The following AKT3 variants were observed in gnomAD, a reference collection of about 807,000 sequenced individuals.
The protein encoded by AKT3 is RAC-gamma serine/threonine-protein kinase.
In AKT3, 15 loss-of-function variants were observed where a neutral mutation model predicts 65.3. That is an observed-to-expected ratio of 0.23 (90% CI 0.15 to 0.35). The LOEUF (loss-of-function observed/expected upper bound fraction) is 0.35, where lower values mean the gene tolerates loss of function less well. Ranked by LOEUF, AKT3 falls within the 10% of genes least tolerant of loss-of-function variation. AKT3 has a pLI of 1.00. For missense variants in AKT3, 243 were observed against 576.5 expected (o/e 0.42, Z 5.92); for synonymous variants, 206 against 183.8 (o/e 1.12, Z -0.98).
chr1:243,523,260 A>AACACACACACACACAC lies in AKT3; in HGVS notation c.1252-10850_1252-10835dup, dbSNP rs547403507. Among the ~76,000 whole-genome samples, 263 of 126,508 alleles carry AACACACACACACACAC rather than the reference A, an allele frequency of 2.1e-3. 2 individuals carry two copies. Among genetic ancestry groups the AACACACACACACACAC allele is most frequent in the Middle Eastern group, 0.015 (4 of 270 alleles). 83.0% of individuals were successfully genotyped at this position (126,508 alleles called of 152,430 possible). A position where few individuals can be genotyped will look rare whatever the true frequency, so the allele number is the denominator to read the frequency against. On this transcript the variant is annotated intron_variant, in intron 12 of 13. Coordinates refer to ENST00000673466, the MANE Select transcript of AKT3 (RefSeq NM_005465.7). ...TGAAGCTCTGGCTCCAAAAAGGACGAACACACACACACACACACACACACA... is the reference window on the plus strand; with the variant it reads ...TGAAGCTCTGGCTCCAAAAAGGACGAACACACACACACACACACACACACACACACACACACACACA...
intron 2 of AKT3, among the ~76,000 whole-genome samples, chr1:243,809,608 A>G (rs1692993092): frequency 6.6e-6 from 1 of 152,170 alleles, no homozygotes; most frequent in Non-Finnish European, 1.5e-5. Flanking sequence ...CCCACTGTCA[A>G]CATTAGACAG....
Position 243,701,642 on chromosome 1 carries a change from T to C in AKT3, c.47-5926A>G, listed in dbSNP as rs1282397048. Among the ~76,000 whole-genome samples, 3 of 143,008 alleles carry C rather than the reference T, an allele frequency of 2.1e-5. No individual in the cohort carries two copies. In the Admixed American group the frequency reaches 2.2e-4, roughly 10 times the overall value. The allele number at this position is 143,008 out of a possible 152,430, so 93.8% of individuals were successfully genotyped here. A position where few individuals can be genotyped will look rare whatever the true frequency, so the allele number is the denominator to read the frequency against. On this transcript the variant is annotated intron_variant, in intron 2 of 13. Transcript: ENST00000673466. ...CAACACAATCACCATTTTAAAAATA[T>C]GCTTCTTACCTAAGAAAAAATGCAA...
intron 2 of AKT3, among the ~76,000 whole-genome samples, chr1:243,768,569 G>A (rs966466315): frequency 2.0e-5 from 3 of 152,116 alleles, no homozygotes; most frequent in Non-Finnish European, 4.4e-5. Context: ...CGGGCGTGGT[G>A]GCTCACGCCT....
rs1383977632 is a variant in AKT3 at position 243,840,583 on chromosome 1, T to C, written c.46+2542A>G. Reference sequence around the variant, plus strand: ...GTTTAGTCATATTATTTATATAATGTAATATTTTAACTGCTTTTCAGAATC... The same window carrying C: ...GTTTAGTCATATTATTTATATAATGCAATATTTTAACTGCTTTTCAGAATC... On this transcript the variant is annotated intron_variant, in intron 2 of 13. Coordinates refer to ENST00000673466, the MANE Select transcript of AKT3 (RefSeq NM_005465.7). 2.6e-5 allele frequency among the ~76,000 whole-genome samples: 4 copies of C among 152,230 alleles called. No homozygotes were observed. In the South Asian group the frequency reaches 6.2e-4, roughly 24 times the overall value.
rs1680993594 is a variant in AKT3 at position 243,648,239 on chromosome 1, C to A, written c.285-2202G>T. Among the ~76,000 whole-genome samples, 11 of 143,164 alleles carry A rather than the reference C, an allele frequency of 7.7e-5. No homozygotes were observed. The South Asian group carries it at 2.2e-3, about 28-fold the overall frequency. The allele number at this position is 143,164 out of a possible 152,430, so 93.9% of individuals were successfully genotyped here. Reference sequence around the variant, plus strand: ...CACCATGGCACTCCAGTGAGGGTGACAGAGCAAGACTCCGTCTAAAAAAAA... The same window carrying A: ...CACCATGGCACTCCAGTGAGGGTGAAAGAGCAAGACTCCGTCTAAAAAAAA... On this transcript the variant is annotated intron_variant, in intron 4 of 13. Transcript: ENST00000673466.
chr1:243,715,309 G>C (rs1419282893), intron 2 of AKT3, among the ~76,000 whole-genome samples: 1 of 152,014 alleles, frequency 6.6e-6, no homozygotes, highest in East Asian at 1.9e-4. Context: ...TAGTATAGTG[G>C]CTTCCCTTTA....
intron 2 of AKT3, among the ~76,000 whole-genome samples, chr1:243,755,502 C>T (rs966526445): frequency 1.3e-5 from 2 of 152,110 alleles, no homozygotes; most frequent in Admixed American, 6.6e-5. Flanking sequence ...CCAGTTACTA[C>T]TAGTATACTG....
chr1:243,672,178 T>C (rs1328073839), intron 3 of AKT3, among the ~76,000 whole-genome samples: 1 of 152,226 alleles, frequency 6.6e-6, no homozygotes, highest in Non-Finnish European at 1.5e-5. Context: ...ATGCTGATCC[T>C]TGACATCTCG....
intron 3 of AKT3, among the ~76,000 whole-genome samples, chr1:243,666,018 T>C (rs1244073050): frequency 1.3e-5 from 2 of 152,202 alleles, no homozygotes; most frequent in East Asian, 3.9e-4. Context: ...GTTTGTTTGT[T>C]TGTTTGAGAC....
chr1:243,680,858 T>C (rs994224610), intron 3 of AKT3, among the ~76,000 whole-genome samples: 6 of 152,186 alleles, frequency 3.9e-5, no homozygotes, highest in African/African-American at 4.8e-5. Context: ...TTTCCCTAAA[T>C]GGAATTATCC....
intron 13 of AKT3, among the ~76,000 whole-genome samples, chr1:243,492,351 G>A (rs1221475084): frequency 2.4e-5 from 3 of 123,230 alleles, no homozygotes; most frequent in Middle Eastern, 8.3e-3. Context: ...ACCCGGACTG[G>A]AGTACAGTGG....
chr1:243,630,662 C>CT (rs201124055), intron 6 of AKT3, among the ~76,000 whole-genome samples: 2 of 151,836 alleles, frequency 1.3e-5, no homozygotes, highest in African/African-American at 2.4e-5. Context: ...TTCATTCTTG[C>CT]TTTTTTTTAA....
chr1:243,818,157 T>C (rs1205232080), intron 2 of AKT3: 1 of 152,232 alleles, frequency 6.6e-6, no homozygotes, highest in African/African-American at 2.4e-5. Context: ...CACAGCACTT[T>C]ATACAAATCT....
chr1:243,599,481 T>G (rs367683523), intron 8 of AKT3, among the ~76,000 whole-genome samples: 10 of 152,084 alleles, frequency 6.6e-5, no homozygotes, highest in Non-Finnish European at 1.3e-4. Flanking sequence ...AAGGTTCAGA[T>G]AGAAGGTAAG....
chr1:243,650,809 T>C (rs976160967), intron 4 of AKT3, among the ~76,000 whole-genome samples: 1 of 152,192 alleles, frequency 6.6e-6, no homozygotes, highest in Non-Finnish European at 1.5e-5. Context: ...ACTGTAGCCT[T>C]GTAGTATAGT....
In AKT3 at chr1:243,704,890, G is replaced by GGTTA. The variant is rs546565923; in HGVS notation, c.47-9178_47-9175dup. The stretch of plus-strand genomic sequence containing the variant: ...TTTAAACACCTGAATTTCTCTTTAT[G>GGTTA]GTTATTTCACCCGGTAAACTCTGGG... On this transcript the variant is annotated intron_variant, in intron 2 of 13. Coordinates refer to ENST00000673466, the MANE Select transcript of AKT3 (RefSeq NM_005465.7). Among the ~76,000 whole-genome samples the GGTTA allele has an allele frequency of 1.2e-4, 19 of 152,134 alleles. No homozygotes were observed. In the East Asian group the frequency reaches 3.7e-3, roughly 29 times the overall value.
intron 2 of AKT3, among the ~76,000 whole-genome samples, chr1:243,821,935 T>G (rs1031676090): frequency 2.6e-5 from 4 of 152,178 alleles, no homozygotes; most frequent in African/African-American, 4.8e-5. Context: ...CTGGACCTGA[T>G]AGATATCTGT....
In AKT3 at chr1:243,607,331, C is replaced by T. The variant is rs574627748; in HGVS notation, c.696+6340G>A. Among the ~76,000 whole-genome samples, 4 of 152,356 alleles carry T rather than the reference C, an allele frequency of 2.6e-5. No homozygotes were observed. In the South Asian group the frequency reaches 8.3e-4, roughly 32 times the overall value. ...ACCCTACAAAGCCACAGGGGTGGTG[C>T]TGCTCAAGGCCATAGGAGCCCACCT... On this transcript the variant is annotated intron_variant, in intron 8 of 13. Coordinates refer to ENST00000673466, the MANE Select transcript of AKT3 (RefSeq NM_005465.7).
intron 4 of AKT3, among the ~76,000 whole-genome samples, chr1:243,661,365 G>C: frequency 6.6e-6 from 1 of 152,150 alleles, no homozygotes; most frequent in African/African-American, 2.4e-5. Flanking sequence ...CAGAGATATA[G>C]ATCAATGGAA....
Sources: gnomAD v4.1 joint callset for allele counts (sites outside exome capture counted in the v4.1 genomes callset) on GRCh38, gnomAD v4.1.1 for gene constraint, MANE v1.5 for transcripts, NCBI Gene and HGNC (gene_info 2026-07-23, HGNC 2026-07-21) for gene names.